Variants in SMARCE1 observed in about 807,000 individuals in gnomAD.
The protein encoded by SMARCE1 is SWI/SNF-related matrix-associated actin-dependent regulator of chromatin subfamily E member 1.
In SMARCE1, 13 loss-of-function variants were observed where a neutral mutation model predicts 54.9. The observed-to-expected ratio is 0.24, with a 90% CI of 0.15 to 0.38. The LOEUF (loss-of-function observed/expected upper bound fraction) is 0.38. Ranked by LOEUF, SMARCE1 falls within the 10% of genes least tolerant of loss-of-function variation. SMARCE1 has a pLI of 1.00. For missense variants in SMARCE1, 295 were observed against 523.8 expected (o/e 0.56, Z 4.26); for synonymous variants, 151 against 175.3 (o/e 0.86, Z 1.10).
At chr17:40,633,789 GT>G (rs1408669414) in intron 7 of SMARCE1, 1 of 152,162 alleles carries the variant, frequency 6.6e-6, no homozygotes, top group African/African-American at 2.4e-5. Flanking sequence ...GTAAGATACA[GT>G]TTTTTTAAAA....
At chr17:40,637,467 TC>T in intron 5 of SMARCE1, 24 bp downstream of exon 5, 2 of 1,565,066 alleles carry the variant, frequency 1.3e-6, no homozygotes, top group Non-Finnish European at 1.8e-6. Context: ...GTGTCCTCAC[TC>T]CTTACCAGGT....
intron 9 of SMARCE1, 162 bp from the exon 10 acceptor site, chr17:40,631,086 C>T (rs904960311): frequency 3.2e-5 from 19 of 588,560 alleles, no homozygotes; most frequent in South Asian, 7.0e-5. Flanking sequence ...TCTAGGTCTT[C>T]TCTGAAACTC....
intron 4 of SMARCE1, among the ~76,000 whole-genome samples, chr17:40,638,152 T>C (rs1309227251): frequency 6.6e-6 from 1 of 152,230 alleles, no homozygotes; most frequent in Non-Finnish European, 1.5e-5. Flanking sequence ...TTCTGTCTGT[T>C]ACCTAGTGGT....
chr17:40,637,108 T>C (rs2037153952), intron 5 of SMARCE1: 1 of 192,330 alleles, frequency 5.2e-6, no homozygotes, highest in East Asian at 1.6e-4. Context: ...GAGATAATTA[T>C]TGTCTTCTGT....
At chr17:40,632,169 T>C (rs1178953593) in intron 8 of SMARCE1, 26 bp downstream of exon 8, 7 of 1,580,578 alleles carry the variant, frequency 4.4e-6, no homozygotes, top group East Asian at 2.2e-5. Context: ...GCACATCTTA[T>C]TGAAATGAAT....
At chr17:40,638,743 T>C (rs962998008) in intron 4 of SMARCE1, among the ~76,000 whole-genome samples, 1 of 152,172 alleles carries the variant, frequency 6.6e-6, no homozygotes, top group African/African-American at 2.4e-5. Flanking sequence ...AAATGAAGTG[T>C]TGGCTTTATT....
chr17:40,646,013 G>A (rs146168637), intron 1 of SMARCE1, among the ~76,000 whole-genome samples, 166 bp from the exon 2 acceptor site: 70 of 152,062 alleles, frequency 4.6e-4, no homozygotes, highest in African/African-American at 1.7e-3. Context: ...GTTCTTATAG[G>A]TCATTTGGTT....
chr17:40,642,472 T>C lies in SMARCE1; in HGVS notation c.139A>G (p.Thr47Ala), dbSNP rs2037209154. The change falls in exon 4 of 11, where the codon ACC (threonine) becomes GCC (alanine). Residue 47 changes from threonine (T) to alanine (A), a missense_variant. Thr to Ala is a moderately conservative substitution (Grantham distance 58, BLOSUM62 0). Around this residue, in one of 5 missense-constraint regions of SMARCE1, gnomAD observed 30 missense variants for 91.3 expected, o/e 0.33. Transcript: ENST00000348513. This position sits in a 1 kb window ranked among gnomAD's most constrained non-coding sequence, Gnocchi z 4.6. ...TCTCCTACCGTGACCCGGCTGTTGG[T>C]GCCCGGGTTCCCTCCCAGCCTGTAG... ...NNYRLGGNPG[T>A]NSRVTASSGI... The C allele has an allele frequency of 1.2e-6, 2 of 1,604,970 alleles. No homozygotes were observed.
rs749214516 is a variant in SMARCE1 at position 40,625,019 on chromosome 17, G to A, written c.*3766C>T. ...GCTAACAATATGAGATAAACTATTA[G>A]AGAAGTGTAGGTCATTCTGGCAAAT... On this transcript the variant is annotated 3_prime_UTR_variant, in exon 11 of 11. Transcript: ENST00000348513. 3 of 152,224 alleles carry A rather than the reference G, an allele frequency of 2.0e-5. No homozygotes were observed. The highest frequency in any genetic ancestry group is 4.4e-5 in the Non-Finnish European group (3 of 68,044). The allele number at this position is 152,224 out of a possible 1,614,324, so 9.4% of individuals were successfully genotyped here. A position where few individuals can be genotyped will look rare whatever the true frequency, so the allele number is the denominator to read the frequency against.
chr17:40,645,499 C>A, intron 3 of SMARCE1, 77 bp downstream of exon 3: 1 of 779,176 alleles, frequency 1.3e-6, no homozygotes, highest in Non-Finnish European at 2.0e-6. Context: ...GATTGAGTGA[C>A]TGTCACTGGA....
chr17:40,646,961 T>C (rs936576141), intron 1 of SMARCE1, among the ~76,000 whole-genome samples: 1 of 150,436 alleles, frequency 6.6e-6, no homozygotes, highest in Non-Finnish European at 1.5e-5. Context: ...GTAGATTTCC[T>C]TTCTGCTCAC....
At position 40,642,301 on chromosome 17, in the gene SMARCE1, G is replaced by A. The variant is rs1398717366; in HGVS notation, c.156+154C>T. On this transcript the variant is annotated intron_variant, in intron 4 of 10. Transcript: ENST00000348513. The surrounding 1 kb of genome is among the most constrained non-coding windows in gnomAD (Gnocchi z 4.6). ...ATCTCACTATTTATTTTTTCAGTGTGAGATGCTACAACGAATGTTGAAAAT... is the reference window on the plus strand; with the variant it reads ...ATCTCACTATTTATTTTTTCAGTGTAAGATGCTACAACGAATGTTGAAAAT... The A allele has an allele frequency of 1.4e-6, 1 of 693,282 alleles. No individual in the cohort carries two copies. 42.9% of individuals were successfully genotyped at this position (693,282 alleles called of 1,614,324 possible).
intron 4 of SMARCE1, among the ~76,000 whole-genome samples, chr17:40,638,891 T>C (rs2037170002): frequency 6.6e-6 from 1 of 152,224 alleles, no homozygotes; most frequent in Admixed American, 6.5e-5. Flanking sequence ...AATCATAACC[T>C]TATTTTTCAT....
intron 7 of SMARCE1, chr17:40,632,724 G>A (rs2037107453): frequency 5.2e-6 from 1 of 193,858 alleles, no homozygotes; most frequent in Admixed American, 5.7e-5. Flanking sequence ...CACTCTCTTG[G>A]TAGTAACTTA....
Position 40,642,366 on chromosome 17 carries a change from G to T in SMARCE1, c.156+89C>A. On this transcript the variant is annotated intron_variant, in intron 4 of 10. Coordinates refer to ENST00000348513, the MANE Select transcript of SMARCE1 (RefSeq NM_003079.5). The surrounding 1 kb of genome is among the most constrained non-coding windows in gnomAD (Gnocchi z 4.6). ...GTTAAAAAATTTTTTTTAAATGGCT[G>T]TGCTTATGATTCAAAAAGACCTAAT... The T allele has an allele frequency of 1.1e-6, 1 of 887,172 alleles. No individual in the cohort carries two copies. Among genetic ancestry groups the T allele is most frequent in the Non-Finnish European group, 1.9e-6 (1 of 517,432 alleles). 55.0% of individuals were successfully genotyped at this position (887,172 alleles called of 1,614,324 possible). A position where few individuals can be genotyped will look rare whatever the true frequency, so the allele number is the denominator to read the frequency against.
intron 7 of SMARCE1, chr17:40,635,376 A>G (rs1169110690): frequency 6.6e-6 from 1 of 151,928 alleles, no homozygotes; most frequent in Non-Finnish European, 1.5e-5. Context: ...CCTGCTAACT[A>G]CTCATACAGA....
At chr17:40,631,831 C>G in intron 8 of SMARCE1, 138 bp from the exon 9 acceptor site, 1 of 589,292 alleles carries the variant, frequency 1.7e-6, no homozygotes, top group East Asian at 2.8e-5. Context: ...ATACAAAATG[C>G]AGCACAAAGA....
intron 1 of SMARCE1, among the ~76,000 whole-genome samples, chr17:40,646,592 G>C (rs1053995126): frequency 6.6e-6 from 1 of 152,070 alleles, no homozygotes; most frequent in East Asian, 1.9e-4. Flanking sequence ...CTTGGAAAGA[G>C]GGACCATGTC....
Position 40,642,959 on chromosome 17 carries a change from C to G in SMARCE1, c.52-400G>C, listed in dbSNP as rs1197933604. The stretch of plus-strand genomic sequence containing the variant: ...GCTTGAAGTGTGATCAACTAGAACT[C>G]TGAAAACACTACATGCAAAACAAAA... On this transcript the variant is annotated intron_variant, in intron 3 of 10. Coordinates refer to ENST00000348513, the MANE Select transcript of SMARCE1 (RefSeq NM_003079.5). The surrounding 1 kb of genome is among the most constrained non-coding windows in gnomAD (Gnocchi z 4.6). 6.2e-6 allele frequency: 1 copy of G among 160,588 alleles called. No individual in the cohort carries two copies. Among genetic ancestry groups the G allele is most frequent in the Non-Finnish European group, 1.3e-5 (1 of 74,172 alleles). 9.9% of individuals were successfully genotyped at this position (160,588 alleles called of 1,614,324 possible).
Sources: gnomAD v4.1 joint callset for allele counts (sites outside exome capture counted in the v4.1 genomes callset) on GRCh38, gnomAD v4.1.1 for gene constraint, gnomAD v4.1.1 regional missense constraint, Gnocchi (gnomAD v3.1) non-coding constraint, MANE v1.5 for transcripts, NCBI Gene and HGNC (gene_info 2026-07-23, HGNC 2026-07-21) for gene names.